PRKG1: variants seen among roughly 807,000 people sequenced by gnomAD.
The protein encoded by PRKG1 is protein kinase cGMP-dependent 1.
In PRKG1, 35 loss-of-function variants were observed where a neutral mutation model predicts 88.1. The observed-to-expected ratio is 0.40, with a 90% CI of 0.30 to 0.53. The LOEUF is 0.53. Among genes scored for constraint, PRKG1 ranks in the 20% least tolerant of loss-of-function variants. PRKG1 has a pLI of 0.59. For missense variants in PRKG1, 540 were observed against 839.8 expected (o/e 0.64, Z 4.41); for synonymous variants, 303 against 292.5 (o/e 1.04, Z -0.37).
At chr10:50,993,829 T>C (rs1842806391) in intron 1 of PRKG1, among the ~76,000 whole-genome samples, 1 of 152,168 alleles carries the variant, frequency 6.6e-6, no homozygotes, top group Non-Finnish European at 1.5e-5. Context: ...GTTTTGTTGT[T>C]GTTGTTGTTG....
intron 2 of PRKG1, among the ~76,000 whole-genome samples, chr10:51,304,634 TC>T (rs1261662610): frequency 3.2e-5 from 2 of 62,012 alleles, no homozygotes; most frequent in Non-Finnish European, 5.7e-5. Flanking sequence ...CCCTCCCCCC[TC>T]CCCCCACCCC....
At chr10:51,727,915 T>G (rs1429391883) in intron 3 of PRKG1, among the ~76,000 whole-genome samples, 1 of 152,204 alleles carries the variant, frequency 6.6e-6, no homozygotes, top group African/African-American at 2.4e-5. Flanking sequence ...CCCCAAGAGA[T>G]AAATACTTCT....
intron 3 of PRKG1, among the ~76,000 whole-genome samples, chr10:51,713,495 G>A (rs539971002): frequency 3.3e-5 from 5 of 152,286 alleles, no homozygotes; most frequent in Admixed American, 3.3e-4. Context: ...CCAACTCTAA[G>A]TTATTTCACA....
chr10:51,690,432 G>C (rs1326854953), intron 3 of PRKG1, among the ~76,000 whole-genome samples: 1 of 152,094 alleles, frequency 6.6e-6, no homozygotes, highest in Non-Finnish European at 1.5e-5. Context: ...ACATGATCTG[G>C]TTAAGGGCTT....
intron 1 of PRKG1, among the ~76,000 whole-genome samples, chr10:51,092,365 G>T (rs1844419421): frequency 6.6e-6 from 1 of 152,202 alleles, no homozygotes; most frequent in African/African-American, 2.4e-5. Context: ...GAATAGAAAT[G>T]ATTTTAAAGG....
chr10:51,896,720 T>G, intron 4 of PRKG1, among the ~76,000 whole-genome samples: 1 of 149,824 alleles, frequency 6.7e-6, no homozygotes, highest in African/African-American at 2.5e-5. Flanking sequence ...AAAACATAGT[T>G]AATAATTAGT....
At chr10:51,787,495 G>C (rs1838758433) in intron 3 of PRKG1, among the ~76,000 whole-genome samples, 1 of 152,152 alleles carries the variant, frequency 6.6e-6, no homozygotes, top group Non-Finnish European at 1.5e-5. Context: ...CAGCATGGTA[G>C]TTCCCCAAGG....
chr10:51,866,661 C>T (rs1841021928), intron 4 of PRKG1, among the ~76,000 whole-genome samples: 1 of 152,092 alleles, frequency 6.6e-6, no homozygotes, highest in Non-Finnish European at 1.5e-5. Flanking sequence ...TAATTTAAAA[C>T]ATCTTCACTT....
chr10:51,989,918 T>C (rs555174895), intron 5 of PRKG1, among the ~76,000 whole-genome samples: 29 of 152,298 alleles, frequency 1.9e-4, no homozygotes, highest in Admixed American at 1.6e-3. Context: ...TTAAGTTTTC[T>C]TATAATAGTT....
intron 2 of PRKG1, among the ~76,000 whole-genome samples, chr10:51,344,267 T>C (rs1435827015): frequency 2.6e-5 from 4 of 151,072 alleles, no homozygotes; most frequent in African/African-American, 9.8e-5. Flanking sequence ...GCTGGGGGGG[T>C]ACCACATGCT....
chr10:51,953,038 C>G (rs745493450), intron 5 of PRKG1, among the ~76,000 whole-genome samples: 1 of 152,140 alleles, frequency 6.6e-6, no homozygotes, highest in Non-Finnish European at 1.5e-5. Context: ...CAAATGCATA[C>G]ATTTTGTAAA....
intron 3 of PRKG1, among the ~76,000 whole-genome samples, chr10:51,554,010 ATATGTGCGTATGT>A (rs1837223016): frequency 1.4e-5 from 2 of 141,094 alleles, no homozygotes; most frequent in African/African-American, 5.7e-5. Flanking sequence ...CGTGCATATT[ATATGTGCGTATGT>A]GATACGTGTA....
At chr10:52,209,103 T>C (rs534183896) in intron 9 of PRKG1, among the ~76,000 whole-genome samples, 2 of 152,326 alleles carry the variant, frequency 1.3e-5, no homozygotes, top group East Asian at 3.9e-4. Context: ...TAAGTTGCCA[T>C]TAAGCTTCTC....
chr10:51,464,870 G>A (rs975806739), intron 2 of PRKG1, among the ~76,000 whole-genome samples: 3 of 131,340 alleles, frequency 2.3e-5, no homozygotes, highest in South Asian at 2.5e-4. Flanking sequence ...CAGCCTGGGC[G>A]ACAGAGCGAG....
intron 1 of PRKG1, among the ~76,000 whole-genome samples, chr10:51,050,953 G>T (rs1843553301): frequency 6.6e-6 from 1 of 150,998 alleles, no homozygotes; most frequent in Non-Finnish European, 1.5e-5. Flanking sequence ...GTCTTTTTTT[G>T]AAGAAATGTC....
intron 1 of PRKG1, among the ~76,000 whole-genome samples, chr10:51,015,976 G>A (rs1490844126): frequency 6.6e-6 from 1 of 152,178 alleles, no homozygotes; most frequent in Non-Finnish European, 1.5e-5. Context: ...ATGCTTGATG[G>A]AGGAGGCAAA....
intron 5 of PRKG1, among the ~76,000 whole-genome samples, chr10:52,018,644 G>C (rs1246077600): frequency 6.6e-6 from 1 of 152,138 alleles, no homozygotes; most frequent in Non-Finnish European, 1.5e-5. Context: ...CTGGGAATGA[G>C]GTGGCTAATA....
chr10:51,488,291 T>C (rs751858826), intron 3 of PRKG1, among the ~76,000 whole-genome samples: 1 of 152,196 alleles, frequency 6.6e-6, no homozygotes, highest in Non-Finnish European at 1.5e-5. Context: ...ATTCTCTAGA[T>C]GTACTTTGGT....
intron 3 of PRKG1, among the ~76,000 whole-genome samples, chr10:51,621,958 A>G (rs1314044903): frequency 1.3e-5 from 2 of 152,198 alleles, no homozygotes; most frequent in African/African-American, 4.8e-5. Context: ...AAGATGATTG[A>G]AATGTTTGAA....
Sources: gnomAD v4.1 joint callset for allele counts (sites outside exome capture counted in the v4.1 genomes callset) on GRCh38, gnomAD v4.1.1 for gene constraint, MANE v1.5 for transcripts, NCBI Gene and HGNC (gene_info 2026-07-23, HGNC 2026-07-21) for gene names.